CBLB: variants seen among roughly 807,000 people sequenced by gnomAD.
CBLB encodes the protein E3 ubiquitin-protein ligase CBL-B.
In CBLB, 31 loss-of-function variants were observed where a neutral mutation model predicts 104.9. The observed-to-expected ratio is 0.30, with a 90% CI of 0.22 to 0.40. The LOEUF is 0.40. CBLB is among the 10% of genes least tolerant of loss of function. CBLB has a pLI of 1.00. For missense variants in CBLB, 1,062 were observed against 1,214.6 expected, an observed-to-expected ratio of 0.87 and a Z score of 1.87; for synonymous variants, 440 against 422.6, an observed-to-expected ratio of 1.04 and a Z score of -0.51.
At chr3:105,773,402 G>C (rs1458902070) in intron 4 of CBLB, among the ~76,000 whole-genome samples, 1 of 152,102 alleles carries the variant, frequency 6.6e-6, no homozygotes. Context: ...GGTGAGAGAG[G>C]GGTAAGGGAT....
intron 3 of CBLB, among the ~76,000 whole-genome samples, chr3:105,829,517 G>A (rs984396189): frequency 6.6e-6 from 1 of 151,724 alleles, no homozygotes; most frequent in Non-Finnish European, 1.5e-5. Context: ...AAATCAGCCA[G>A]GCATAGTGGC....
At chr3:105,736,276 C>G (rs1478132252) in intron 8 of CBLB, among the ~76,000 whole-genome samples, 1 of 152,144 alleles carries the variant, frequency 6.6e-6, no homozygotes, top group African/African-American at 2.4e-5. Context: ...TCAGTTAAAT[C>G]TTCTTACCAG....
At chr3:105,706,791 T>A (rs1384881708) in intron 10 of CBLB, among the ~76,000 whole-genome samples, 1 of 152,190 alleles carries the variant, frequency 6.6e-6, no homozygotes, top group Non-Finnish European at 1.5e-5. Flanking sequence ...ATATATTTTT[T>A]TATATATAGA....
At chr3:105,711,515 A>G (rs1478818941) in intron 10 of CBLB, among the ~76,000 whole-genome samples, 2 of 151,950 alleles carry the variant, frequency 1.3e-5, no homozygotes, top group Non-Finnish European at 2.9e-5. Flanking sequence ...ACATACTCAC[A>G]TATTCATATG....
intron 18 of CBLB, among the ~76,000 whole-genome samples, chr3:105,668,204 C>T (rs1373015059): frequency 1.3e-5 from 2 of 152,142 alleles, no homozygotes; most frequent in East Asian, 3.8e-4. Flanking sequence ...CCAGTTCAGG[C>T]TTCTGGCAAA....
intron 12 of CBLB, among the ~76,000 whole-genome samples, chr3:105,695,463 A>G (rs1160742328): frequency 1.3e-5 from 2 of 151,854 alleles, no homozygotes; most frequent in South Asian, 2.1e-4. Flanking sequence ...ATGTACTACT[A>G]TTAAATTTCA....
intron 13 of CBLB, among the ~76,000 whole-genome samples, chr3:105,686,908 C>T (rs2067078735): frequency 6.6e-6 from 1 of 152,062 alleles, no homozygotes; most frequent in Non-Finnish European, 1.5e-5. Flanking sequence ...TAATAATAAT[C>T]TATTATTACA....
At chr3:105,789,414 C>G (rs965457679) in intron 3 of CBLB, among the ~76,000 whole-genome samples, 6 of 151,854 alleles carry the variant, frequency 4.0e-5, no homozygotes, top group Non-Finnish European at 8.8e-5. Context: ...ATAAAAAAAC[C>G]AACCAGGGAA....
chr3:105,658,872 G>T lies in CBLB; in HGVS notation c.*98C>A. On this transcript the variant is annotated 3_prime_UTR_variant, in exon 19 of 19. Transcript: ENST00000394030. ...TCTTCTCAAGCTGCTACACGAGGAG[G>T]AGACACTTCTCTCTTGAATTCCATC... 1 of 1,320,268 alleles carries T rather than the reference G, an allele frequency of 7.6e-7. No individual in the cohort carries two copies. Among genetic ancestry groups the T allele is most frequent in the Non-Finnish European group, 1.1e-6 (1 of 925,544 alleles). 81.8% of individuals were successfully genotyped at this position (1,320,268 alleles called of 1,614,324 possible). A position where few individuals can be genotyped will look rare whatever the true frequency, so the allele number is the denominator to read the frequency against.
intron 4 of CBLB, among the ~76,000 whole-genome samples, chr3:105,768,373 T>A (rs779787728): frequency 2.6e-5 from 4 of 152,192 alleles, no homozygotes; most frequent in Non-Finnish European, 5.9e-5. Flanking sequence ...TAATTGCTGA[T>A]GTGTCCAGAA....
chr3:105,842,418 G>A (rs539250762), intron 3 of CBLB, among the ~76,000 whole-genome samples: 317 of 152,268 alleles, frequency 2.1e-3, no homozygotes, highest in Non-Finnish European at 3.2e-3. Context: ...AAGAGTGTCT[G>A]TTTATCTCTC....
At chr3:105,819,616 C>A (rs551643526) in intron 3 of CBLB, among the ~76,000 whole-genome samples, 12 of 152,180 alleles carry the variant, frequency 7.9e-5, no homozygotes, top group East Asian at 3.9e-4. Context: ...TGTATCTTTG[C>A]TCTCATTTCT....
rs935096973 is a variant in CBLB at position 105,670,268 on chromosome 3, G to T, written c.2654C>A (p.Thr885Lys). The T allele has an allele frequency of 7.4e-6, 12 of 1,613,002 alleles. No individual in the cohort carries two copies. Among genetic ancestry groups the T allele is most frequent in the Admixed American group, 1.7e-5 (1 of 59,966 alleles). The stretch of plus-strand genomic sequence containing the variant: ...AGGAAGCTGATCATAGTCCTGTGAT[G>T]TTCTGTTAGTTTTGACATTTTCACC... The part of the protein sequence containing the change: ...LPGENVKTNR[T>K]SQDYDQLPSC... Residue 885 changes from threonine to lysine, a missense_variant, in exon 18 of 19, where the codon ACA (threonine) becomes AAA (lysine). Coordinates refer to ENST00000394030, the MANE Select transcript of CBLB (RefSeq NM_170662.5).
At chr3:105,669,621 A>C (rs2064851838) in intron 18 of CBLB, among the ~76,000 whole-genome samples, 1 of 152,220 alleles carries the variant, frequency 6.6e-6, no homozygotes, top group Non-Finnish European at 1.5e-5. Context: ...TCTGAATAAC[A>C]AAATTTTAAG....
chr3:105,689,431 T>C (rs2067397334), intron 13 of CBLB, among the ~76,000 whole-genome samples: 1 of 151,328 alleles, frequency 6.6e-6, no homozygotes, highest in Non-Finnish European at 1.5e-5. Context: ...TCATGGCTAT[T>C]TGAAAGCCTA....
chr3:105,763,737 C>G (rs2077919788), intron 4 of CBLB, among the ~76,000 whole-genome samples: 1 of 152,114 alleles, frequency 6.6e-6, no homozygotes, highest in African/African-American at 2.4e-5. Flanking sequence ...GAACATGATC[C>G]TAAAAAACCA....
At chr3:105,674,925 G>A (rs1411846245) in intron 17 of CBLB, among the ~76,000 whole-genome samples, 1 of 152,108 alleles carries the variant, frequency 6.6e-6, no homozygotes, top group Admixed American at 6.5e-5. Context: ...CTGCCCCCTT[G>A]ATCCTACAAC....
intron 3 of CBLB, among the ~76,000 whole-genome samples, chr3:105,800,971 G>A (rs2082792122): frequency 6.6e-6 from 1 of 152,008 alleles, no homozygotes; most frequent in East Asian, 1.9e-4. Context: ...AAAGTAAGAG[G>A]GAGAAAGTGA....
At chr3:105,821,139 C>T (rs1390480458) in intron 3 of CBLB, among the ~76,000 whole-genome samples, 1 of 152,058 alleles carries the variant, frequency 6.6e-6, no homozygotes, top group Non-Finnish European at 1.5e-5. Context: ...GAAAATTGAT[C>T]CATGTACTTG....
Sources: gnomAD v4.1 joint callset for allele counts (sites outside exome capture counted in the v4.1 genomes callset) on GRCh38, gnomAD v4.1.1 for gene constraint, MANE v1.5 for transcripts, NCBI Gene and HGNC (gene_info 2026-07-23, HGNC 2026-07-21) for gene names.